OSBPL6: variants seen among roughly 807,000 people sequenced by gnomAD.
OSBPL6 encodes the protein oxysterol-binding protein-related protein 6.
In OSBPL6, 49 loss-of-function variants were observed where a neutral mutation model predicts 125.8. The observed-to-expected ratio is 0.39, with a 90% CI of 0.31 to 0.49. OSBPL6 has a LOEUF of 0.49. Among genes scored for constraint, OSBPL6 ranks in the 20% least tolerant of loss-of-function variants. The pLI is 0.88. For missense variants in OSBPL6, 986 were observed against 1,135.4 expected, an observed-to-expected ratio of 0.87 and a Z score of 1.89; for synonymous variants, 394 against 391.8, an observed-to-expected ratio of 1.01 and a Z score of -0.07.
intron 1 of OSBPL6, among the ~76,000 whole-genome samples, chr2:178,261,511 T>C (rs185365181): frequency 1.3e-5 from 2 of 152,232 alleles, no homozygotes; most frequent in Admixed American, 6.5e-5. Context: ...AGGACATAAT[T>C]TTCAAATTGT....
intron 3 of OSBPL6, among the ~76,000 whole-genome samples, chr2:178,310,558 C>A (rs1687176968): frequency 6.6e-6 from 1 of 151,806 alleles, no homozygotes. Flanking sequence ...GCTGGGACTA[C>A]AGGTGCCCGC....
rs765962998 is a variant in OSBPL6 at position 178,382,482 on chromosome 2, T to C, written c.1596T>C (p.Ser532=). The C allele has an allele frequency of 2.5e-6, 4 of 1,614,126 alleles. No homozygotes were observed. The highest frequency in any genetic ancestry group is 1.7e-5 in the Admixed American group (1 of 59,998). ...ATAATATATCTGAAGACAACACCAG[T>C]GTTGCAGACAATATTTCTCGGCAAA... ...VSDNISEDNT[S]VADNISRQIL... Residue 532 remains serine, a synonymous_variant, in exon 16 of 25, where the codon AGT becomes AGC. Coordinates refer to ENST00000190611, the MANE Select transcript of OSBPL6 (RefSeq NM_032523.4).
At chr2:178,323,949 T>C (rs1393154432) in intron 3 of OSBPL6, among the ~76,000 whole-genome samples, 4 of 152,208 alleles carry the variant, frequency 2.6e-5, no homozygotes, top group Admixed American at 2.6e-4. Flanking sequence ...TCTCCAAGAC[T>C]GAAACCGGCA....
chr2:178,244,127 A>C lies in OSBPL6; in HGVS notation c.-350-40800A>C, dbSNP rs1475861984. On this transcript the variant is annotated intron_variant, in intron 1 of 24. Coordinates refer to ENST00000190611, the MANE Select transcript of OSBPL6 (RefSeq NM_032523.4). ...CCTCCTTTGCCTTACACACTGCTCA[A>C]ACTCCGCTGGTCTGGTTTAAATTCC... Among the ~76,000 whole-genome samples, 4 of 152,180 alleles carry C rather than the reference A, an allele frequency of 2.6e-5. No individual in the cohort carries two copies. In the East Asian group the frequency reaches 7.7e-4, roughly 29 times the overall value.
chr2:178,336,541 C>G (rs757524212), intron 9 of OSBPL6, 108 bp downstream of exon 9: 113 of 1,263,216 alleles, frequency 8.9e-5, no homozygotes, highest in Non-Finnish European at 1.2e-4. Flanking sequence ...TTGCCTTGAT[C>G]GTCTTGACCT....
At chr2:178,391,039 A>C in intron 21 of OSBPL6, 34 bp from the exon 22 acceptor site, 1 of 1,610,912 alleles carries the variant, frequency 6.2e-7, no homozygotes, top group Non-Finnish European at 8.5e-7. Context: ...TATTAAAGCC[A>C]TCAAATGTCA....
intron 13 of OSBPL6, 140 bp from the exon 14 acceptor site, chr2:178,371,986 A>G (rs1318614680): frequency 3.9e-6 from 2 of 515,812 alleles, no homozygotes; most frequent in African/African-American, 2.0e-5. Context: ...CCTTGCTGGT[A>G]GGGTCTGGCT....
At position 178,223,524 on chromosome 2, in the gene OSBPL6, C is replaced by T. The variant is rs76716027; in HGVS notation, c.-351+28850C>T. Among the ~76,000 whole-genome samples the T allele has an allele frequency of 8.8e-3, 1,340 of 152,244 alleles. 28 individuals are homozygous for T. The highest frequency in any genetic ancestry group is 0.075 in the East Asian group (389 of 5,180). On this transcript the variant is annotated intron_variant, in intron 1 of 24. Coordinates refer to ENST00000190611, the MANE Select transcript of OSBPL6 (RefSeq NM_032523.4). ...GATATTGGCTCTTGTTTATTAAATA[C>T]GTTTTACAATTAAGGAAATTGTAAA... is the stretch of plus-strand genomic sequence containing the variant.
At chr2:178,204,593 T>A (rs2089436859) in intron 1 of OSBPL6, among the ~76,000 whole-genome samples, 1 of 152,220 alleles carries the variant, frequency 6.6e-6, no homozygotes, top group Non-Finnish European at 1.5e-5. Context: ...TGAAAACTAT[T>A]TCTTTGTATG....
intron 1 of OSBPL6, among the ~76,000 whole-genome samples, chr2:178,243,198 C>T (rs548076764): frequency 6.6e-5 from 10 of 152,242 alleles, no homozygotes; most frequent in African/African-American, 2.4e-4. Flanking sequence ...TGGCCTGCTC[C>T]TTGACATGGG....
chr2:178,261,618 G>A (rs2092066847), intron 1 of OSBPL6, among the ~76,000 whole-genome samples: 1 of 152,142 alleles, frequency 6.6e-6, no homozygotes, highest in Admixed American at 6.5e-5. Flanking sequence ...AAATGTGTCT[G>A]AATAAAGAAA....
intron 2 of OSBPL6, among the ~76,000 whole-genome samples, chr2:178,296,033 G>A (rs1157835279): frequency 2.0e-5 from 3 of 152,154 alleles, no homozygotes; most frequent in Non-Finnish European, 4.4e-5. Flanking sequence ...GTGATTCTGT[G>A]TCTGATACTG....
intron 1 of OSBPL6, among the ~76,000 whole-genome samples, chr2:178,263,395 T>C (rs568540863): frequency 3.5e-4 from 53 of 152,296 alleles, no homozygotes; most frequent in Admixed American, 3.2e-3. Context: ...GGAGCATTGC[T>C]TGAACCTGGA....
intron 1 of OSBPL6, among the ~76,000 whole-genome samples, chr2:178,233,812 A>G (rs2090937606): frequency 6.6e-6 from 1 of 152,220 alleles, no homozygotes; most frequent in Non-Finnish European, 1.5e-5. Flanking sequence ...AAGCTGATCT[A>G]CTTAGGATGA....
chr2:178,329,631 C>T (rs1437383905), intron 5 of OSBPL6, among the ~76,000 whole-genome samples: 2 of 151,860 alleles, frequency 1.3e-5, no homozygotes, highest in Non-Finnish European at 2.9e-5. Context: ...TTCACCATAT[C>T]GGCCAGGCTG....
chr2:178,289,120 C>T (rs778212676), intron 2 of OSBPL6, among the ~76,000 whole-genome samples: 30 of 146,798 alleles, frequency 2.0e-4, no homozygotes, highest in Non-Finnish European at 3.9e-4. Flanking sequence ...TGGGCTTAAG[C>T]GATTCTCCTG....
intron 2 of OSBPL6, among the ~76,000 whole-genome samples, chr2:178,302,675 T>G (rs1455468473): frequency 6.6e-6 from 1 of 152,238 alleles, no homozygotes; most frequent in Non-Finnish European, 1.5e-5. Flanking sequence ...TTACTTTTTC[T>G]TCATTTTGCT....
intron 13 of OSBPL6, among the ~76,000 whole-genome samples, chr2:178,366,794 T>G (rs751720018): frequency 1.3e-5 from 2 of 152,256 alleles, no homozygotes; most frequent in African/African-American, 2.4e-5. Context: ...TCCCTGAGAC[T>G]TGGCCAAATT....
At chr2:178,240,572 T>C (rs2153989140) in intron 1 of OSBPL6, among the ~76,000 whole-genome samples, 1 of 151,572 alleles carries the variant, frequency 6.6e-6, no homozygotes, top group East Asian at 1.9e-4. Context: ...AACTAACTAA[T>C]GAAATAAATA....
Sources: gnomAD v4.1 joint callset for allele counts (sites outside exome capture counted in the v4.1 genomes callset) on GRCh38, gnomAD v4.1.1 for gene constraint, MANE v1.5 for transcripts, NCBI Gene and HGNC (gene_info 2026-07-23, HGNC 2026-07-21) for gene names.